The following CCDC158 variants were observed in gnomAD, a reference collection of about 807,000 sequenced individuals.
CCDC158 encodes coiled-coil domain-containing protein 158.
CCDC158 carries 116 observed loss-of-function variants against 138.6 expected under a neutral mutation model. The ratio of observed to expected loss-of-function variants is 0.84; its 90% CI spans 0.72 to 0.98. CCDC158 has a LOEUF of 0.98. CCDC158 is among the 50% of genes least tolerant of loss of function. CCDC158 has a pLI of 0.00. For synonymous variants in CCDC158, 436 were observed against 442.4 expected, an observed-to-expected ratio of 0.99 and a Z score of 0.18; for missense variants, 1,265 against 1,306.1, an observed-to-expected ratio of 0.97 and a Z score of 0.48.
chr4:76,395,342 T>C (rs1241076256), intron 4 of CCDC158, among the ~76,000 whole-genome samples: 1 of 152,142 alleles, frequency 6.6e-6, no homozygotes, highest in African/African-American at 2.4e-5. Context: ...CTTAATAAAA[T>C]TGTAGATTTT....
At chr4:76,336,080 G>A (rs1345676415) in intron 18 of CCDC158, among the ~76,000 whole-genome samples, 1 of 149,524 alleles carries the variant, frequency 6.7e-6, no homozygotes, top group African/African-American at 2.4e-5. Flanking sequence ...TACTTGGGAG[G>A]CTGAGGCAGG....
chr4:76,347,613 G>A (rs1421796471), intron 18 of CCDC158, among the ~76,000 whole-genome samples: 9 of 152,088 alleles, frequency 5.9e-5, no homozygotes, highest in African/African-American at 9.7e-5. Flanking sequence ...TGTAGATGAC[G>A]GGTTGATCGG....
intron 3 of CCDC158, among the ~76,000 whole-genome samples, chr4:76,400,434 T>G (rs919879091): frequency 2.0e-5 from 3 of 150,152 alleles, no homozygotes; most frequent in Non-Finnish European, 4.4e-5. Context: ...GTGATAGCAT[T>G]AGGAGATATA....
At chr4:76,408,440 G>T (rs1729016824) in intron 2 of CCDC158, among the ~76,000 whole-genome samples, 1 of 151,122 alleles carries the variant, frequency 6.6e-6, no homozygotes, top group Admixed American at 6.6e-5. Flanking sequence ...TGCGGTGTTT[G>T]GTTTTTTGTC....
chr4:76,383,773 G>A, intron 6 of CCDC158, 35 bp from the exon 7 acceptor site: 2 of 1,444,806 alleles, frequency 1.4e-6, no homozygotes, highest in African/African-American at 1.4e-5. Context: ...TTTAGTTACT[G>A]GTAAATATAA....
intron 1 of CCDC158, among the ~76,000 whole-genome samples, chr4:76,413,119 G>T (rs13434806): frequency 0.029 from 4,444 of 151,748 alleles, 218 homozygotes; most frequent in African/African-American, 0.1. Flanking sequence ...TCTATATATT[G>T]TAAGCAGGTA....
chr4:76,337,905 C>T (rs997092826), intron 18 of CCDC158, among the ~76,000 whole-genome samples: 1 of 152,140 alleles, frequency 6.6e-6, no homozygotes, highest in African/African-American at 2.4e-5. Context: ...AACAAGGGTC[C>T]CCAAACCCTG....
At chr4:76,385,917 C>T (rs531643751) in intron 4 of CCDC158, among the ~76,000 whole-genome samples, 1 of 152,290 alleles carries the variant, frequency 6.6e-6, no homozygotes, top group East Asian at 1.9e-4. Context: ...AAGAACCAGA[C>T]AGACATCTTC....
intron 19 of CCDC158, among the ~76,000 whole-genome samples, chr4:76,333,420 A>T (rs1721179515): frequency 6.6e-6 from 1 of 152,236 alleles, no homozygotes; most frequent in South Asian, 2.1e-4. Flanking sequence ...ACTCTCTGAA[A>T]GAATAGGAGA....
intron 2 of CCDC158, among the ~76,000 whole-genome samples, chr4:76,403,697 G>C (rs1415243322): frequency 6.6e-6 from 1 of 152,112 alleles, no homozygotes; most frequent in Non-Finnish European, 1.5e-5. Context: ...TCTAAATGTG[G>C]AGAACAATGG....
intron 23 of CCDC158, 101 bp from the exon 24 acceptor site, chr4:76,323,510 G>A (rs999256598): frequency 3.0e-5 from 26 of 864,606 alleles, no homozygotes; most frequent in South Asian, 1.1e-4. Context: ...TAAAATAAAG[G>A]GAACTTTTTT....
rs537132585 is a variant in CCDC158 at position 76,370,508 on chromosome 4, G to A, written c.1150-885C>T. Among the ~76,000 whole-genome samples the A allele has an allele frequency of 3.3e-5, 5 of 152,302 alleles. No individual in the cohort carries two copies. The South Asian group carries it at 1.0e-3, about 32-fold the overall frequency. ...TGAGTTGAACAGTGACATCATCGGA[G>A]CTACATTTTAGAGAGATGTATGCGG... On this transcript the variant is annotated intron_variant, in intron 10 of 24. Coordinates refer to ENST00000682701, the MANE Select transcript of CCDC158 (RefSeq NM_001394954.1).
chr4:76,416,620 G>A (rs1002536073), intron 1 of CCDC158, among the ~76,000 whole-genome samples: 11 of 152,190 alleles, frequency 7.2e-5, no homozygotes, highest in Admixed American at 5.2e-4. Flanking sequence ...CGTGCCCTGT[G>A]TCCCAGCTGC....
chr4:76,334,298 A>G, intron 18 of CCDC158, 131 bp from the exon 19 acceptor site: 1 of 739,580 alleles, frequency 1.4e-6, no homozygotes. Context: ...AATCACCCAC[A>G]AGCTTATTAC....
intron 9 of CCDC158, among the ~76,000 whole-genome samples, chr4:76,377,161 T>C (rs1342489614): frequency 6.6e-6 from 1 of 152,226 alleles, no homozygotes; most frequent in African/African-American, 2.4e-5. Context: ...TGATACTGTA[T>C]ATTGGACCAA....
intron 13 of CCDC158, among the ~76,000 whole-genome samples, chr4:76,359,443 T>C (rs1264549911): frequency 6.6e-6 from 1 of 152,224 alleles, no homozygotes; most frequent in African/African-American, 2.4e-5. Context: ...AGTTTGGAAC[T>C]TCCTAGAAAC....
At position 76,313,222 on chromosome 4, in the gene CCDC158, T is replaced by G; in HGVS notation, c.3302A>C (p.Gln1101Pro). ...NQAMSSMIRN[Q>P]EKRIQKVKDQ... ...TTTTACTTTCTGTATCCTCTTTTCT[T>G]GATTTCTGATCATTGAAGACATTGC... is the stretch of plus-strand genomic sequence containing the variant. The change falls in exon 25 of 25, where the codon CAA becomes CCA. Residue 1101 changes from glutamine to proline, a missense_variant. Physicochemically the swap from Gln to Pro is moderately conservative, Grantham distance 76. Coordinates refer to ENST00000682701, the MANE Select transcript of CCDC158 (RefSeq NM_001394954.1). 9 of 1,607,382 alleles carry G rather than the reference T, an allele frequency of 5.6e-6. No homozygotes were observed. Among genetic ancestry groups the G allele is most frequent in the Non-Finnish European group, 7.7e-6 (9 of 1,176,104 alleles).
chr4:76,407,904 T>G (rs2109889423), intron 2 of CCDC158, among the ~76,000 whole-genome samples: 1 of 152,252 alleles, frequency 6.6e-6, no homozygotes, highest in South Asian at 2.1e-4. Flanking sequence ...GATGAATGCT[T>G]GCGTTATTCA....
At chr4:76,352,796 T>C (rs1218486190) in intron 16 of CCDC158, 1 of 192,266 alleles carries the variant, frequency 5.2e-6, no homozygotes, top group Non-Finnish European at 1.0e-5. Context: ...CACTTTTTGG[T>C]GGTAAATCAG....
Sources: gnomAD v4.1 joint callset for allele counts (sites outside exome capture counted in the v4.1 genomes callset) on GRCh38, gnomAD v4.1.1 for gene constraint, MANE v1.5 for transcripts, NCBI Gene and HGNC (gene_info 2026-07-23, HGNC 2026-07-21) for gene names.